Variants in MCCC2 observed in about 807,000 individuals in gnomAD.
MCCC2 encodes the protein methylcrotonyl-CoA carboxylase subunit 2.
MCCC2 carries 52 observed loss-of-function variants against 77.2 expected under a neutral mutation model. That is an observed-to-expected ratio of 0.67 (90% confidence interval 0.54 to 0.85). MCCC2 has a LOEUF of 0.85. Among genes scored for constraint, MCCC2 ranks in the 40% least tolerant of loss-of-function variants. The pLI, the probability that MCCC2 is intolerant of heterozygous loss-of-function variation, is 0.00. For synonymous variants in MCCC2, 253 were observed against 248.4 expected, an observed-to-expected ratio of 1.02 and a Z score of -0.18; for missense variants, 682 against 703.2, an observed-to-expected ratio of 0.97 and a Z score of 0.34.
chr5:71,594,093 T>G (rs1745084170), intron 2 of MCCC2, among the ~76,000 whole-genome samples: 1 of 152,206 alleles, frequency 6.6e-6, no homozygotes, highest in African/African-American at 2.4e-5. Flanking sequence ...TGAAGCCATT[T>G]TAGATCAAGG....
In MCCC2 at chr5:71,632,139, G is replaced by T; in HGVS notation, c.757G>T (p.Glu253Ter). The stretch of plus-strand genomic sequence containing the variant: ...GTTGTAGGTTAAAGCGGCAACTGGG[G>T]AAGAAGTATCTGCTGAGGATCTTGG... ...GPPLVKAATG[E>*]EVSAEDLGGA... The change falls in exon 8 of 17, where the codon GAA becomes TAA. Residue 253 changes from glutamate (E) to a stop codon, truncating the protein, a stop_gained. Coordinates refer to ENST00000340941, the MANE Select transcript of MCCC2 (RefSeq NM_022132.5). LOFTEE classifies it high-confidence loss of function. The T allele has an allele frequency of 6.2e-7, 1 of 1,614,222 alleles. No homozygotes were observed. Among genetic ancestry groups the T allele is most frequent in the East Asian group, 2.2e-5 (1 of 44,886 alleles).
chr5:71,617,055 A>T (rs1402703805), intron 6 of MCCC2, among the ~76,000 whole-genome samples: 3 of 152,146 alleles, frequency 2.0e-5, no homozygotes. Flanking sequence ...AACAAAGCTC[A>T]TACTTCTTAG....
In MCCC2 at chr5:71,635,202, G is replaced by A. The variant is rs1443551700; in HGVS notation, c.955G>A (p.Gly319Arg). The stretch of plus-strand genomic sequence containing the variant: ...TTTATTTCCTGCTGATGAATTGTAT[G>A]GAATAGTTGGTGCTAACCTTAAGAG... ...EPLFPADELY[G>R]IVGANLKRSF... The change falls in exon 10 of 17, where the codon GGA becomes AGA. Residue 319 changes from glycine (G) to arginine (R), a missense_variant. Gly to Arg is a moderately radical substitution (Grantham distance 125). Transcript: ENST00000340941. 2 of 1,614,136 alleles carry A rather than the reference G, an allele frequency of 1.2e-6. No individual in the cohort carries two copies. The highest frequency in any genetic ancestry group is 1.1e-5 in the South Asian group (1 of 91,072).
intron 11 of MCCC2, 67 bp downstream of exon 11, chr5:71,641,142 T>G: frequency 7.0e-7 from 1 of 1,438,672 alleles, no homozygotes; most frequent in Non-Finnish European, 9.8e-7. Flanking sequence ...ATCTCTTGTT[T>G]CAAGACTTTG....
rs751970792 is a variant in MCCC2, at chr5:71,656,858, T to C, written c.1690T>C (p.Ter564GlnextTer3). 99 of 1,608,378 alleles carry C rather than the reference T, an allele frequency of 6.2e-5. No individual in the cohort carries two copies. The highest frequency in any genetic ancestry group is 7.7e-5 in the Non-Finnish European group (91 of 1,174,892). Residue 564 changes from the stop codon to glutamine (Q), a stop_lost, in exon 17 of 17, where the codon TAA becomes CAA. Transcript: ENST00000340941. ...EKTDFGIFRM[*>Q] ...GACTGACTTCGGTATCTTCAGGATG[T>C]AACTGGAATAAAGGATGTTTTCTGT...
intron 6 of MCCC2, among the ~76,000 whole-genome samples, chr5:71,604,850 C>G: frequency 7.1e-6 from 1 of 141,354 alleles, no homozygotes; most frequent in East Asian, 2.1e-4. Context: ...TTTGTTCTTG[C>G]GATAGTTTAC....
At chr5:71,606,468 A>AT (rs1745681042) in intron 6 of MCCC2, among the ~76,000 whole-genome samples, 1 of 149,052 alleles carries the variant, frequency 6.7e-6, no homozygotes, top group African/African-American at 2.5e-5. Flanking sequence ...GCTTGAGGAG[A>AT]TTTTGGGCTG....
intron 6 of MCCC2, among the ~76,000 whole-genome samples, chr5:71,610,753 G>A (rs541772694): frequency 3.8e-4 from 58 of 152,276 alleles, no homozygotes; most frequent in African/African-American, 1.3e-3. Flanking sequence ...TTGGGAGGCC[G>A]AGGTGGGGGG....
In MCCC2 at chr5:71,587,547, T is replaced by C; in HGVS notation, c.122T>C (p.Leu41Pro). 1 of 1,537,092 alleles carries C rather than the reference T, an allele frequency of 6.5e-7. No individual in the cohort carries two copies. The highest frequency in any genetic ancestry group is 1.4e-5 in the African/African-American group (1 of 73,288). Residue 41 changes from leucine (L) to proline (P), a missense_variant, in exon 1 of 17, where the codon CTC becomes CCC. Leu to Pro is a moderately conservative substitution (Grantham distance 98, BLOSUM62 -3). Transcript: ENST00000340941. ...LGTQPDLGSA[L>P]YQENYKQMKA... ...ACCCAGCCGGACTTGGGCTCTGCCC[T>C]CTACCAGGTAGGCTGAGCGCCCCGG...
At chr5:71,646,007 A>G (rs545279298) in intron 12 of MCCC2, among the ~76,000 whole-genome samples, 1 of 151,998 alleles carries the variant, frequency 6.6e-6, no homozygotes, top group East Asian at 1.9e-4. Context: ...GGCTGCAGTG[A>G]GCTATAATTG....
intron 6 of MCCC2, among the ~76,000 whole-genome samples, chr5:71,619,340 A>T (rs1258725149): frequency 6.6e-6 from 1 of 151,734 alleles, no homozygotes; most frequent in Non-Finnish European, 1.5e-5. Context: ...TGCAGCCTTG[A>T]CCTCTCAGGT....
chr5:71,634,340 GT>G (rs1400343221), intron 8 of MCCC2, among the ~76,000 whole-genome samples: 1 of 152,178 alleles, frequency 6.6e-6, no homozygotes, highest in Non-Finnish European at 1.5e-5. Context: ...CGTTTTACTA[GT>G]TCCGATTTTT....
chr5:71,656,913 G>A lies in MCCC2; in HGVS notation c.*53G>A, dbSNP rs1259072104. On this transcript the variant is annotated 3_prime_UTR_variant, in exon 17 of 17. Transcript: ENST00000340941. ...CATGTACTGAAAATTAACACATGTAGTAGCCTTAAAATTTTAGACTTCTCG... is the reference window on the plus strand; with the variant it reads ...CATGTACTGAAAATTAACACATGTAATAGCCTTAAAATTTTAGACTTCTCG... 5 of 1,387,278 alleles carry A rather than the reference G, an allele frequency of 3.6e-6. No homozygotes were observed. Among genetic ancestry groups the A allele is most frequent in the Non-Finnish European group, 5.1e-6 (5 of 974,280 alleles). The allele number at this position is 1,387,278 out of a possible 1,614,324, so 85.9% of individuals were successfully genotyped here. A position where few individuals can be genotyped will look rare whatever the true frequency, so the allele number is the denominator to read the frequency against.
chr5:71,643,020 A>G (rs1265479223), intron 11 of MCCC2, among the ~76,000 whole-genome samples: 4 of 151,680 alleles, frequency 2.6e-5, no homozygotes, highest in African/African-American at 9.7e-5. Context: ...GATAAATAAG[A>G]ACATGATGAT....
Position 71,658,258 on chromosome 5 carries a change from C to T in MCCC2, c.*1398C>T, listed in dbSNP as rs1285817954. ...TCTCTTTCAGTTCTTTGAACCTTCC[C>T]ACCTTAGGGTCTATAAGGTTCCCTC... On this transcript the variant is annotated 3_prime_UTR_variant, in exon 17 of 17. Transcript: ENST00000340941. 1 of 152,172 alleles carries T rather than the reference C, an allele frequency of 6.6e-6. No individual in the cohort carries two copies. The highest frequency in any genetic ancestry group is 2.4e-5 in the African/African-American group (1 of 41,438). 9.4% of individuals were successfully genotyped at this position (152,172 alleles called of 1,614,324 possible). A position where few individuals can be genotyped will look rare whatever the true frequency, so the allele number is the denominator to read the frequency against.
In MCCC2 at chr5:71,649,208, G is replaced by T; in HGVS notation, c.1328G>T (p.Gly443Val). 6.2e-7 allele frequency: 1 copy of T among 1,614,178 alleles called. No homozygotes were observed. ...QVPKITLIIG[G>V]SYGAGNYGMC... ...CCTAAGATAACCCTCATCATTGGGG[G>T]CTCCTATGGAGCCGGAAACTATGGG... is the stretch of plus-strand genomic sequence containing the variant. Residue 443 changes from glycine to valine, a missense_variant, in exon 14 of 17, where the codon GGC (glycine) becomes GTC (valine). Physicochemically the swap from Gly to Val is moderately radical, Grantham distance 109. Transcript: ENST00000340941.
intron 14 of MCCC2, among the ~76,000 whole-genome samples, chr5:71,649,574 A>AC (rs1747375141): frequency 6.6e-6 from 1 of 152,236 alleles, no homozygotes; most frequent in Non-Finnish European, 1.5e-5. Context: ...AAGAAGCAAG[A>AC]CTGCAAGTCA....
chr5:71,648,952 C>A, intron 13 of MCCC2, 145 bp from the exon 14 acceptor site: 1 of 938,028 alleles, frequency 1.1e-6, no homozygotes, highest in Non-Finnish European at 1.7e-6. Context: ...AACTTTTTAA[C>A]GGTATGTTTC....
intron 15 of MCCC2, 104 bp downstream of exon 15, chr5:71,650,287 G>A (rs1278830688): frequency 1.3e-5 from 11 of 860,930 alleles, no homozygotes; most frequent in Non-Finnish European, 1.8e-5. Context: ...TCATGGCTGG[G>A]GACCTGGCGC....
Sources: gnomAD v4.1 joint callset for allele counts (sites outside exome capture counted in the v4.1 genomes callset) on GRCh38, gnomAD v4.1.1 for gene constraint, MANE v1.5 for transcripts, NCBI Gene and HGNC (gene_info 2026-07-23, HGNC 2026-07-21) for gene names.